The following ARHGAP12 variants were observed in gnomAD, a reference collection of about 807,000 sequenced individuals.
The protein encoded by ARHGAP12 is Rho GTPase activating protein 12, also known as rho GTPase-activating protein 12.
A neutral mutation model predicts 108.6 loss-of-function variants in ARHGAP12; 64 were observed. The observed-to-expected ratio is 0.59, with a 90% CI of 0.48 to 0.73. The LOEUF (loss-of-function observed/expected upper bound fraction) is 0.73, where lower values mean the gene tolerates loss of function less well. Among genes scored for constraint, ARHGAP12 ranks in the 30% least tolerant of loss-of-function variants. The pLI is 0.00. For synonymous variants in ARHGAP12, 312 were observed against 337.2 expected, an observed-to-expected ratio of 0.93 and a Z score of 0.82; for missense variants, 940 against 1,005.9, an observed-to-expected ratio of 0.93 and a Z score of 0.89.
In ARHGAP12 at chr10:31,908,238, A is replaced by G; in HGVS notation, c.618T>C (p.Ser206=). Residue 206 remains serine (S), a synonymous_variant, in exon 3 of 20, where the codon TCT becomes TCC. Coordinates refer to ENST00000344936, the MANE Select transcript of ARHGAP12 (RefSeq NM_018287.7). ...EQSCDSAGEG[S]ERIHQDSESG... ...ATTCAGAATCTTGATGTATTCTTTC[A>G]GAGCCTTCTCCTGCGGAATCACAAG... 1 of 1,613,930 alleles carries G rather than the reference A, an allele frequency of 6.2e-7. No homozygotes were observed. The highest frequency in any genetic ancestry group is 1.7e-5 in the Admixed American group (1 of 59,994).
At chr10:31,868,179 CAG>C (rs1837402903) in intron 3 of ARHGAP12, among the ~76,000 whole-genome samples, 2 of 150,158 alleles carry the variant, frequency 1.3e-5, no homozygotes, top group Non-Finnish European at 2.9e-5. Context: ...GCCTGGGTGA[CAG>C]AGCAAGACTC....
chr10:31,881,558 G>A (rs982499956), intron 3 of ARHGAP12, among the ~76,000 whole-genome samples: 1 of 152,108 alleles, frequency 6.6e-6, no homozygotes, highest in African/African-American at 2.4e-5. Context: ...ACAATAAACT[G>A]TTAAGATTTA....
At chr10:31,913,206 C>T in intron 1 of ARHGAP12, 1 of 153,650 alleles carries the variant, frequency 6.5e-6, no homozygotes. Context: ...TGCAAACTTG[C>T]CAGGAGGAGC....
intron 3 of ARHGAP12, among the ~76,000 whole-genome samples, chr10:31,895,783 T>C (rs1192566974): frequency 1.3e-5 from 2 of 152,166 alleles, no homozygotes; most frequent in African/African-American, 4.8e-5. Context: ...TAAAGACACA[T>C]GCACACGTAT....
At chr10:31,821,399 A>T (rs1219386128) in intron 11 of ARHGAP12, among the ~76,000 whole-genome samples, 1 of 152,190 alleles carries the variant, frequency 6.6e-6, no homozygotes, top group Non-Finnish European at 1.5e-5. Flanking sequence ...GTTAAGTATA[A>T]AAAGTAACAT....
intron 3 of ARHGAP12, among the ~76,000 whole-genome samples, chr10:31,873,217 A>G (rs1564403223): frequency 1.3e-5 from 2 of 152,236 alleles, no homozygotes; most frequent in Non-Finnish European, 1.5e-5. Context: ...CAAATTACTG[A>G]GATAGTTTAT....
chr10:31,901,756 G>A (rs1293161584), intron 3 of ARHGAP12, among the ~76,000 whole-genome samples: 3 of 151,000 alleles, frequency 2.0e-5, no homozygotes, highest in Non-Finnish European at 4.4e-5. Context: ...AGAGGCTCTA[G>A]GGAAGAATTC....
intron 7 of ARHGAP12, among the ~76,000 whole-genome samples, chr10:31,841,114 A>T (rs1836247374): frequency 6.6e-6 from 1 of 152,154 alleles, no homozygotes; most frequent in Non-Finnish European, 1.5e-5. Context: ...ATACAGTAAT[A>T]ACATATGTAC....
chr10:31,818,708 A>C (rs976680432), intron 12 of ARHGAP12, among the ~76,000 whole-genome samples: 6 of 152,198 alleles, frequency 3.9e-5, no homozygotes, highest in Non-Finnish European at 8.8e-5. Flanking sequence ...TAAATTTTTG[A>C]AAAAGGTATA....
At chr10:31,907,885 T>A (rs1839200668) in intron 3 of ARHGAP12, among the ~76,000 whole-genome samples, 1 of 152,184 alleles carries the variant, frequency 6.6e-6, no homozygotes, top group African/African-American at 2.4e-5. Context: ...GTAAATCCCC[T>A]CTGCCTTATA....
rs759806630 is a variant in ARHGAP12, at chr10:31,839,632, C to T, written c.1371+5G>A. The T allele has an allele frequency of 5.0e-6, 8 of 1,596,604 alleles. No homozygotes were observed. The highest frequency in any genetic ancestry group is 2.2e-5 in the East Asian group (1 of 44,484). On this transcript the variant is annotated splice_donor_5th_base_variant and intron_variant, in intron 8 of 19. Transcript: ENST00000344936. ...CATTATAAGATATGCTTCTATCATACTAACTGTATCTTGGTGCTTTGGTGA... is the reference window on the plus strand; with the variant it reads ...CATTATAAGATATGCTTCTATCATATTAACTGTATCTTGGTGCTTTGGTGA...
At chr10:31,828,695 A>G (rs76307817) in intron 10 of ARHGAP12, among the ~76,000 whole-genome samples, 1 of 151,320 alleles carries the variant, frequency 6.6e-6, no homozygotes, top group Non-Finnish European at 1.5e-5. Context: ...AATTAGTCAC[A>G]TTTTTTTTTC....
At position 31,898,280 on chromosome 10, in the gene ARHGAP12, A is replaced by C. The variant is rs577237833; in HGVS notation, c.684+9892T>G. 5.3e-5 allele frequency among the ~76,000 whole-genome samples: 8 copies of C among 152,348 alleles called. No homozygotes were observed. The South Asian group carries it at 8.3e-4, about 16-fold the overall frequency. On this transcript the variant is annotated intron_variant, in intron 3 of 19. Transcript: ENST00000344936. ...ATTTGAATAAATATGTCTCCAAGGAAAATATATAAATAGCAAATGAACATA... is the reference window on the plus strand; with the variant it reads ...ATTTGAATAAATATGTCTCCAAGGACAATATATAAATAGCAAATGAACATA...
At chr10:31,860,764 A>T (rs1374830502) in intron 4 of ARHGAP12, among the ~76,000 whole-genome samples, 1 of 152,200 alleles carries the variant, frequency 6.6e-6, no homozygotes, top group East Asian at 1.9e-4. Flanking sequence ...GGGTCACATC[A>T]CATTTCTATT....
intron 9 of ARHGAP12, among the ~76,000 whole-genome samples, chr10:31,835,584 C>A (rs1405581689): frequency 6.6e-6 from 1 of 152,180 alleles, no homozygotes; most frequent in African/African-American, 2.4e-5. Context: ...TCCACAATTT[C>A]TAATTGATGT....
At chr10:31,853,721 T>G (rs1387335747) in intron 5 of ARHGAP12, among the ~76,000 whole-genome samples, 1 of 152,206 alleles carries the variant, frequency 6.6e-6, no homozygotes, top group African/African-American at 2.4e-5. Context: ...AGTGAGGCGA[T>G]GTATGATAAT....
chr10:31,839,034 G>A (rs1303193509), intron 9 of ARHGAP12, among the ~76,000 whole-genome samples: 2 of 150,986 alleles, frequency 1.3e-5, no homozygotes, highest in Admixed American at 6.6e-5. Flanking sequence ...AAACGGTAAC[G>A]AAAAAAAACC....
intron 3 of ARHGAP12, among the ~76,000 whole-genome samples, chr10:31,893,896 A>G (rs565164025): frequency 1.3e-5 from 2 of 152,320 alleles, no homozygotes; most frequent in East Asian, 1.9e-4. Context: ...AAGCTTATCC[A>G]CTACGATCAA....
chr10:31,920,903 A>G (rs1257856887), intron 1 of ARHGAP12, among the ~76,000 whole-genome samples: 3 of 152,198 alleles, frequency 2.0e-5, no homozygotes, highest in Non-Finnish European at 4.4e-5. Context: ...TTAAATTAGA[A>G]ACTCTCAAAA....
Sources: allele counts gnomAD v4.1 joint callset (sites outside exome capture counted in the v4.1 genomes callset), GRCh38; gene constraint gnomAD v4.1.1; transcripts MANE v1.5; gene names NCBI Gene and HGNC (gene_info 2026-07-23, HGNC 2026-07-21).